Variants in RYR2 observed in about 807,000 individuals in gnomAD.
The protein encoded by RYR2 is ryanodine receptor 2, also known as cardiac muscle ryanodine receptor-calcium release channel.
RYR2 carries 227 observed loss-of-function variants against 601.1 expected under a neutral mutation model. The ratio of observed to expected loss-of-function variants is 0.38; its 90% CI spans 0.34 to 0.42. The LOEUF (loss-of-function observed/expected upper bound fraction) is 0.42, where lower values mean the gene tolerates loss of function less well. Ranked by LOEUF, RYR2 falls within the 10% of genes least tolerant of loss-of-function variation. The pLI is 1.00. For synonymous variants in RYR2, 2,223 were observed against 2,175.1 expected (o/e 1.02, Z -0.61); for missense variants, 4,646 against 6,156.5 (o/e 0.75, Z 8.21).
At chr1:237,667,308 T>G (rs1474426011) in intron 57 of RYR2, among the ~76,000 whole-genome samples, 1 of 152,198 alleles carries the variant, frequency 6.6e-6, no homozygotes, top group Non-Finnish European at 1.5e-5. Context: ...ATTGTTAAAT[T>G]GTTTGGTTTG....
At chr1:237,500,572 G>A (rs780501557) in intron 20 of RYR2, 139 bp from the exon 21 acceptor site, 38 of 660,944 alleles carry the variant, frequency 5.7e-5, no homozygotes, top group Admixed American at 2.1e-4. Flanking sequence ...TGTAACATGC[G>A]TTTACATTCA....
rs748216455 is a variant in RYR2 at position 237,783,818 on chromosome 1, G to A, written c.12106G>A (p.Asp4036Asn). ...LTSSDTFKEY[D>N]PDGKGVISKR... ...GTCGTCTGATACTTTTAAAGAATAT[G>A]ACCCCGATGGCAAGGGAGTCATTTC... The change falls in exon 90 of 105, where the codon GAC (aspartate) becomes AAC (asparagine). Residue 4036 changes from aspartate (D) to asparagine (N), a missense_variant. Transcript: ENST00000366574. The A allele has an allele frequency of 2.7e-5, 43 of 1,613,654 alleles. No individual in the cohort carries two copies. In the South Asian group the frequency reaches 4.5e-4, roughly 17 times the overall value.
At chr1:237,254,800 CTCTGGTG>C (rs1338267743) in intron 1 of RYR2, among the ~76,000 whole-genome samples, 1 of 152,196 alleles carries the variant, frequency 6.6e-6, no homozygotes, top group Non-Finnish European at 1.5e-5. Context: ...AGACAATGCT[CTCTGGTG>C]TAATTACCAG....
At chr1:237,137,453 G>A (rs1235459314) in intron 1 of RYR2, among the ~76,000 whole-genome samples, 1 of 152,200 alleles carries the variant, frequency 6.6e-6, no homozygotes, top group African/African-American at 2.4e-5. Flanking sequence ...TTCTTGGTGA[G>A]GAGGAAGAAC....
At chr1:237,351,917 A>G (rs1398529979) in intron 3 of RYR2, among the ~76,000 whole-genome samples, 2 of 151,378 alleles carry the variant, frequency 1.3e-5, no homozygotes, top group South Asian at 2.1e-4. Flanking sequence ...TAGGTGTAGA[A>G]ATCCTCCACA....
At chr1:237,658,053 G>C in intron 54 of RYR2, 31 bp downstream of exon 54, 1 of 1,261,616 alleles carries the variant, frequency 7.9e-7, no homozygotes. Flanking sequence ...TAATTCAGTA[G>C]TCATTATTAA....
intron 62 of RYR2, among the ~76,000 whole-genome samples, chr1:237,683,083 A>T (rs965912005): frequency 5.9e-5 from 9 of 152,218 alleles, no homozygotes; most frequent in Admixed American, 5.9e-4. Context: ...TTTAAAGGGA[A>T]CTTAATTTGT....
intron 38 of RYR2, among the ~76,000 whole-genome samples, chr1:237,620,528 C>A (rs1262043783): frequency 6.6e-6 from 1 of 151,920 alleles, no homozygotes; most frequent in Admixed American, 6.5e-5. Context: ...ATTTATAAAA[C>A]TCAATCTAAC....
intron 1 of RYR2, among the ~76,000 whole-genome samples, chr1:237,103,173 T>G (rs1054216179): frequency 1.3e-5 from 2 of 152,234 alleles, no homozygotes; most frequent in Non-Finnish European, 2.9e-5. Context: ...AAGATAGATG[T>G]GTCCATTGGA....
chr1:237,129,220 T>G (rs1393192810), intron 1 of RYR2, among the ~76,000 whole-genome samples: 1 of 152,200 alleles, frequency 6.6e-6, no homozygotes, highest in Non-Finnish European at 1.5e-5. Flanking sequence ...CCTTTTCTAT[T>G]TCCACGCAAC....
At chr1:237,059,505 T>G (rs765949512) in intron 1 of RYR2, among the ~76,000 whole-genome samples, 16 of 152,166 alleles carry the variant, frequency 1.1e-4, no homozygotes, top group Admixed American at 2.6e-4. Context: ...AGTCTATTTT[T>G]AAGGTTAGAT....
intron 6 of RYR2, among the ~76,000 whole-genome samples, chr1:237,369,830 C>T (rs1700497626): frequency 6.6e-6 from 1 of 152,092 alleles, no homozygotes; most frequent in African/African-American, 2.4e-5. Context: ...TGATTACCAT[C>T]TTCAGTATCT....
intron 40 of RYR2, among the ~76,000 whole-genome samples, chr1:237,626,593 T>C (rs1424897592): frequency 1.6e-5 from 2 of 126,692 alleles, no homozygotes; most frequent in Non-Finnish European, 3.3e-5. Flanking sequence ...TTTTTTTTTT[T>C]TTTTTTTTTT....
chr1:237,172,925 A>C (rs1042686813), intron 1 of RYR2, among the ~76,000 whole-genome samples: 2 of 152,172 alleles, frequency 1.3e-5, no homozygotes, highest in African/African-American at 4.8e-5. Context: ...TGCTGTGTTC[A>C]AGTACTTGGG....
intron 49 of RYR2, 115 bp from the exon 50 acceptor site, chr1:237,649,762 G>A (rs1470243983): frequency 1.8e-5 from 14 of 795,652 alleles, no homozygotes; most frequent in Middle Eastern, 3.7e-4. Context: ...ACATTTCCAT[G>A]TGTCATAGTG....
At chr1:237,491,668 A>G in intron 17 of RYR2, 138 bp from the exon 18 acceptor site, 3 of 562,754 alleles carry the variant, frequency 5.3e-6, no homozygotes, top group African/African-American at 1.9e-5. Flanking sequence ...CACCTATCAC[A>G]GTGCCTTGTA....
intron 71 of RYR2, among the ~76,000 whole-genome samples, chr1:237,714,991 CAAAAAAAAAAAAAAAAAA>C (rs5781983): frequency 0.02 from 906 of 44,530 alleles, 30 homozygotes; most frequent in African/African-American, 0.049. Flanking sequence ...GACTCCATCT[CAAAAAAAAAAAAAAAAAA>C]AAAAAAAAAA....
intron 1 of RYR2, among the ~76,000 whole-genome samples, chr1:237,264,643 C>G (rs971161284): frequency 8.6e-5 from 13 of 152,028 alleles, no homozygotes; most frequent in Non-Finnish European, 1.2e-4. Context: ...ATGCTAGATA[C>G]TGGGGCTATA....
intron 10 of RYR2, among the ~76,000 whole-genome samples, chr1:237,398,954 G>T (rs1403648971): frequency 2.6e-5 from 4 of 152,202 alleles, no homozygotes; most frequent in African/African-American, 4.8e-5. Flanking sequence ...AGCATTTTGG[G>T]AGGCCAAAGT....
Sources: allele counts gnomAD v4.1 joint callset (sites outside exome capture counted in the v4.1 genomes callset), GRCh38; gene constraint gnomAD v4.1.1; transcripts MANE v1.5; gene names NCBI Gene and HGNC (gene_info 2026-07-23, HGNC 2026-07-21).